TBXA2R: variants seen among roughly 807,000 people sequenced by gnomAD.
The protein encoded by TBXA2R is thromboxane A2 receptor, also known as prostanoid TP receptor.
In TBXA2R, 15 loss-of-function variants were observed where a neutral mutation model predicts 15.6. The ratio of observed to expected loss-of-function variants is 0.96; its 90% CI spans 0.64 to 1.48. TBXA2R has a LOEUF of 1.48. TBXA2R is among the 40% of genes most tolerant of loss of function. The pLI, the probability that TBXA2R is intolerant of heterozygous loss-of-function variation, is 0.00. For missense variants in TBXA2R, 506 were observed against 491.4 expected, an observed-to-expected ratio of 1.03 and a Z score of -0.28; for synonymous variants, 280 against 241.2, an observed-to-expected ratio of 1.16 and a Z score of -1.49.
intron 1 of TBXA2R, 57 bp from the exon 2 acceptor site, chr19:3,600,774 T>G (rs2032721607): frequency 1.1e-6 from 1 of 876,520 alleles, no homozygotes; most frequent in East Asian, 2.7e-5. Flanking sequence ...TGTAAGTAGC[T>G]CTGGTGAACT....
At chr19:3,605,233 A>G (rs577965211) in intron 1 of TBXA2R, among the ~76,000 whole-genome samples, 9 of 152,238 alleles carry the variant, frequency 5.9e-5, no homozygotes, top group Non-Finnish European at 1.2e-4. Context: ...GCCAGCAGGG[A>G]CCAGGGGGCG....
chr19:3,598,413 C>T lies in TBXA2R; in HGVS notation c.786+1436G>A, dbSNP rs374384226. 3.0e-3 allele frequency among the ~76,000 whole-genome samples: 380 copies of T among 127,826 alleles called. 3 individuals carry two copies. The highest frequency in any genetic ancestry group is 0.011 in the African/African-American group (356 of 32,794). The allele number at this position is 127,826 out of a possible 152,430, so 83.9% of individuals were successfully genotyped here. The stretch of plus-strand genomic sequence containing the variant: ...TCACCCAGGCTGGAGTGCAGTGGCA[C>T]AATCTTGGCTCACTGCAACCTCCAC... On this transcript the variant is annotated intron_variant, in intron 2 of 2. Coordinates refer to ENST00000375190, the MANE Select transcript of TBXA2R (RefSeq NM_001060.6).
intron 1 of TBXA2R, among the ~76,000 whole-genome samples, chr19:3,601,099 C>T (rs1357700685): frequency 1.3e-5 from 2 of 151,602 alleles, no homozygotes; most frequent in Non-Finnish European, 2.9e-5. Flanking sequence ...AGAAATAAAC[C>T]CTGAAATCCA....
chr19:3,605,951 GAC>G (rs1316977879), intron 1 of TBXA2R, among the ~76,000 whole-genome samples: 1 of 151,246 alleles, frequency 6.6e-6, no homozygotes, highest in East Asian at 1.9e-4. Context: ...AAATGTGACA[GAC>G]ACAGACAGAA....
intron 2 of TBXA2R, among the ~76,000 whole-genome samples, chr19:3,596,640 T>A (rs1450675075): frequency 5.8e-5 from 2 of 34,618 alleles, no homozygotes; most frequent in East Asian, 2.7e-4. Flanking sequence ...AATAAATACC[T>A]TTTTTTTTTT....
chr19:3,603,260 C>A (rs1371867454), intron 1 of TBXA2R, among the ~76,000 whole-genome samples: 2 of 152,228 alleles, frequency 1.3e-5, no homozygotes, highest in Non-Finnish European at 2.9e-5. Flanking sequence ...CTTGGCTACG[C>A]TGTATCCAGC....
In TBXA2R at chr19:3,595,447, C is replaced by T. The variant is rs967340603; in HGVS notation, c.*241G>A. On this transcript the variant is annotated 3_prime_UTR_variant, in exon 3 of 3. Coordinates refer to ENST00000375190, the MANE Select transcript of TBXA2R (RefSeq NM_001060.6). ...GCCCTTCCTGGGGTTGGGAGGGACG[C>T]AGAGAAGGGGTGGGAGCTCTGGATG... The T allele has an allele frequency of 3.5e-6, 5 of 1,411,614 alleles. No individual in the cohort carries two copies. In the East Asian group the frequency reaches 1.3e-4, roughly 36 times the overall value. The allele number at this position is 1,411,614 out of a possible 1,614,324, so 87.4% of individuals were successfully genotyped here.
intron 1 of TBXA2R, among the ~76,000 whole-genome samples, chr19:3,603,143 G>A (rs1024126407): frequency 6.6e-6 from 1 of 152,366 alleles, no homozygotes; most frequent in Middle Eastern, 3.4e-3. Flanking sequence ...CTGAGGCAGG[G>A]CCTGGGCTGT....
intron 1 of TBXA2R, among the ~76,000 whole-genome samples, chr19:3,603,874 C>T (rs560070863): frequency 5.8e-4 from 88 of 152,276 alleles, no homozygotes; most frequent in African/African-American, 2.0e-3. Flanking sequence ...CGGGCAGGGC[C>T]TCCCTTCCCT....
intron 1 of TBXA2R, among the ~76,000 whole-genome samples, chr19:3,602,371 G>A (rs2032754327): frequency 6.6e-6 from 1 of 152,140 alleles, no homozygotes; most frequent in Non-Finnish European, 1.5e-5. Context: ...GTCACCTGGA[G>A]GGACTGGGTG....
At chr19:3,598,646 C>T (rs774202924) in intron 2 of TBXA2R, among the ~76,000 whole-genome samples, 2 of 150,898 alleles carry the variant, frequency 1.3e-5, no homozygotes, top group Non-Finnish European at 2.9e-5. Flanking sequence ...GCCACCGTGG[C>T]TGGCCTGTTT....
chr19:3,603,913 G>T (rs1599876165), intron 1 of TBXA2R, among the ~76,000 whole-genome samples: 2 of 152,288 alleles, frequency 1.3e-5, no homozygotes, highest in South Asian at 4.1e-4. Flanking sequence ...GGTAGCAGGG[G>T]CCCCCACGCG....
In TBXA2R at chr19:3,600,198, TGC is replaced by T; in HGVS notation, c.435_436del (p.Gln146AlafsTer244). On this transcript the variant is annotated frameshift_variant, in exon 2 of 3. Transcript: ENST00000375190. LOFTEE classifies it high-confidence loss of function. ...CCCCACGGTGGCCCAGGCGCGGCGC[TGC>T]GAGGCGACCGCCGGGCGCGAGAAGG... 2 of 1,598,972 alleles carry T rather than the reference TGC, an allele frequency of 1.3e-6. No homozygotes were observed. The highest frequency in any genetic ancestry group is 8.5e-7 in the Non-Finnish European group (1 of 1,173,934).
chr19:3,605,495 CAT>C (rs1021952657), intron 1 of TBXA2R, among the ~76,000 whole-genome samples: 6 of 151,608 alleles, frequency 4.0e-5, no homozygotes, highest in African/African-American at 1.5e-4. Flanking sequence ...CAGATAGAAA[CAT>C]GACAGACACA....
chr19:3,604,967 C>T (rs1162082379), intron 1 of TBXA2R, among the ~76,000 whole-genome samples: 8 of 152,172 alleles, frequency 5.3e-5, no homozygotes, highest in Non-Finnish European at 2.9e-5. Flanking sequence ...CACATGGTAG[C>T]GGAGGCAGAC....
intron 1 of TBXA2R, among the ~76,000 whole-genome samples, chr19:3,602,076 C>A (rs1438238323): frequency 6.6e-6 from 1 of 152,048 alleles, no homozygotes; most frequent in Admixed American, 6.6e-5. Context: ...AAAAAATTAG[C>A]CGGGCGTGGT....
chr19:3,599,214 G>A (rs1227365646), intron 2 of TBXA2R, among the ~76,000 whole-genome samples: 2 of 152,018 alleles, frequency 1.3e-5, no homozygotes, highest in East Asian at 3.9e-4. Context: ...GAGTGCAGTG[G>A]TGCAATCATA....
chr19:3,603,232 T>A (rs1435561250), intron 1 of TBXA2R, among the ~76,000 whole-genome samples: 1 of 152,210 alleles, frequency 6.6e-6, no homozygotes, highest in East Asian at 1.9e-4. Context: ...CTTGTGACGC[T>A]TTGGCCTGGC....
rs1026079356 is a variant in TBXA2R at position 3,594,948 on chromosome 19, C to T, written c.*740G>A. 6 of 1,535,950 alleles carry T rather than the reference C, an allele frequency of 3.9e-6. No homozygotes were observed. The highest frequency in any genetic ancestry group is 5.2e-6 in the Non-Finnish European group (6 of 1,146,692). On this transcript the variant is annotated 3_prime_UTR_variant, in exon 3 of 3. Transcript: ENST00000375190. ...GAGCATGCAAGGCCGGGCGCAGTGG[C>T]TTACGCCTGTAATCCCAGCTGCTCG... is the stretch of plus-strand genomic sequence containing the variant.
Sources: gnomAD v4.1 joint callset for allele counts (sites outside exome capture counted in the v4.1 genomes callset) on GRCh38, gnomAD v4.1.1 for gene constraint, MANE v1.5 for transcripts, NCBI Gene and HGNC (gene_info 2026-07-23, HGNC 2026-07-21) for gene names.